Variants in NUP107 observed in about 807,000 individuals in gnomAD.
The protein encoded by NUP107 is nucleoporin 107.
NUP107 carries 101 observed loss-of-function variants against 141.0 expected under a neutral mutation model. The observed-to-expected ratio is 0.72, with a 90% CI of 0.61 to 0.84. The LOEUF (loss-of-function observed/expected upper bound fraction) is 0.84, where lower values mean the gene tolerates loss of function less well. Ranked by LOEUF, NUP107 falls within the 40% of genes least tolerant of loss-of-function variation. The probability of loss-of-function intolerance (pLI) is 0.00; values close to 1 mark genes in which losing one functional copy is unlikely to be tolerated. For missense variants in NUP107, 941 were observed against 1,102.7 expected (o/e 0.85, Z 2.08); for synonymous variants, 319 against 363.9 (o/e 0.88, Z 1.41).
At chr12:68,722,677 T>A (rs554630308) in intron 17 of NUP107, among the ~76,000 whole-genome samples, 1 of 152,322 alleles carries the variant, frequency 6.6e-6, no homozygotes, top group African/African-American at 2.4e-5. Flanking sequence ...TACTCCAATT[T>A]AGAATTTTGA....
Position 68,721,910 on chromosome 12 carries a change from G to C in NUP107, c.1381G>C (p.Val461Leu). The C allele has an allele frequency of 6.2e-7, 1 of 1,614,092 alleles. No individual in the cohort carries two copies. The highest frequency in any genetic ancestry group is 8.5e-7 in the Non-Finnish European group (1 of 1,179,974). Residue 461 changes from valine (V) to leucine (L), a missense_variant, in exon 16 of 28, where the codon GTA (valine) becomes CTA (leucine). By Grantham distance (32) the Val-to-Leu change is conservative. Coordinates refer to ENST00000229179, the MANE Select transcript of NUP107 (RefSeq NM_020401.4). ...AYFRVMVDSL[V>L]EQEIQTSVAT... ...CTTCCGGGTGATGGTGGACAGTCTG[G>C]TAGAACAGGAGATCCAGACATCAGT...
intron 12 of NUP107, among the ~76,000 whole-genome samples, 187 bp downstream of exon 12, chr12:68,715,927 T>C (rs1212219528): frequency 1.3e-5 from 2 of 152,234 alleles, no homozygotes; most frequent in Admixed American, 1.3e-4. Context: ...AACAATGTAA[T>C]CTAGTTTGTA....
At chr12:68,715,211 T>C (rs1345324167) in intron 11 of NUP107, among the ~76,000 whole-genome samples, 1 of 152,160 alleles carries the variant, frequency 6.6e-6, no homozygotes, top group African/African-American at 2.4e-5. Flanking sequence ...AACAATTTAT[T>C]TCAGCCAGGC....
At position 68,700,792 on chromosome 12, in the gene NUP107, A is replaced by G. The variant is rs1179544865; in HGVS notation, c.619A>G (p.Ser207Gly). The change falls in exon 7 of 28, where the codon AGT (serine) becomes GGT (glycine). Residue 207 changes from serine (S) to glycine (G), a missense_variant. By Grantham distance (56) the Ser-to-Gly change is moderately conservative (BLOSUM62 0). Coordinates refer to ENST00000229179, the MANE Select transcript of NUP107 (RefSeq NM_020401.4). The part of the protein sequence containing the change: ...PGLQKFSKTA[S>G]MLWLLQQEMV... The stretch of plus-strand genomic sequence containing the variant: ...ACTTCAAAAATTTTCAAAAACAGCC[A>G]GTATGCTCTGGCTTCTTCAACAGGA... 2.5e-6 allele frequency: 4 copies of G among 1,611,908 alleles called. No individual in the cohort carries two copies. In the African/African-American group the frequency reaches 5.3e-5, roughly 22 times the overall value.
intron 8 of NUP107, among the ~76,000 whole-genome samples, chr12:68,703,670 C>T (rs1204714686): frequency 2.0e-5 from 3 of 152,026 alleles, no homozygotes; most frequent in East Asian, 1.9e-4. Context: ...AGGCTGGTCT[C>T]GATCTCCTGA....
chr12:68,688,519 T>C (rs868505041), intron 1 of NUP107, among the ~76,000 whole-genome samples: 8 of 152,304 alleles, frequency 5.3e-5, no homozygotes, highest in African/African-American at 1.7e-4. Flanking sequence ...CTGTTTGTTG[T>C]TGTTGTTGTT....
intron 5 of NUP107, among the ~76,000 whole-genome samples, chr12:68,693,085 A>T (rs10878855): frequency 0.44 from 57,428 of 131,202 alleles, 12,188 homozygotes; most frequent in East Asian, 0.54. Context: ...TTATTTATTT[A>T]TTTTTTTTTT....
rs1006763000 is a variant in NUP107 at position 68,744,138 on chromosome 12, A to C, written c.*1676A>C. ...AACAGTGGGAAAACTACTTAGCCTA[A>C]ATGAGGAGGAGGAATATTGTATGCT... On this transcript the variant is annotated 3_prime_UTR_variant, in exon 28 of 28. Transcript: ENST00000229179. 3.9e-5 allele frequency: 6 copies of C among 152,176 alleles called. No individual in the cohort carries two copies. The highest frequency in any genetic ancestry group is 1.4e-4 in the African/African-American group (6 of 41,442). 9.4% of individuals were successfully genotyped at this position (152,176 alleles called of 1,614,324 possible).
In NUP107 at chr12:68,731,137, C is replaced by A; in HGVS notation, c.1762C>A (p.Leu588Ile). ...QLLIREKHTNLIAFYTCHLPQ... is the reference protein window; with the variant it reads ...QLLIREKHTNIIAFYTCHLPQ... ...TTTAATAAGAGAGAAACATACAAATCTTATAGCATTTTATACCTGTCATTT... is the reference window on the plus strand; with the variant it reads ...TTTAATAAGAGAGAAACATACAAATATTATAGCATTTTATACCTGTCATTT... Residue 588 changes from leucine to isoleucine, a missense_variant, in exon 21 of 28, where the codon CTT (leucine) becomes ATT (isoleucine). Coordinates refer to ENST00000229179, the MANE Select transcript of NUP107 (RefSeq NM_020401.4). 1 of 1,597,608 alleles carries A rather than the reference C, an allele frequency of 6.3e-7. No homozygotes were observed. The highest frequency in any genetic ancestry group is 1.1e-5 in the South Asian group (1 of 87,524).
intron 10 of NUP107, among the ~76,000 whole-genome samples, chr12:68,710,922 CA>C (rs1212539980): frequency 6.6e-6 from 1 of 151,922 alleles, no homozygotes. Context: ...TACCAAGAGA[CA>C]AATGTATATT....
intron 3 of NUP107, 181 bp downstream of exon 3, chr12:68,689,800 A>G: frequency 1.9e-6 from 1 of 518,462 alleles, no homozygotes; most frequent in East Asian, 3.4e-5. Context: ...TTCCATAAAC[A>G]CACGGTAACT....
chr12:68,729,539 G>C (rs1221919723), intron 20 of NUP107, among the ~76,000 whole-genome samples: 1 of 151,314 alleles, frequency 6.6e-6, no homozygotes, highest in South Asian at 2.1e-4. Flanking sequence ...GCCTCACCGG[G>C]GTCAAGCGAT....
intron 26 of NUP107, among the ~76,000 whole-genome samples, chr12:68,737,566 A>G (rs1175926714): frequency 1.3e-5 from 2 of 151,522 alleles, no homozygotes; most frequent in African/African-American, 4.8e-5. Context: ...GTCTCAAAAA[A>G]AAAAAAAAAA....
At chr12:68,697,638 C>G (rs537093732) in intron 6 of NUP107, among the ~76,000 whole-genome samples, 1 of 152,104 alleles carries the variant, frequency 6.6e-6, no homozygotes, top group Admixed American at 6.6e-5. Context: ...CAAAATAAAA[C>G]TCAACAATAA....
rs1198362088 is a variant in NUP107 at position 68,742,685 on chromosome 12, C to T, written c.*223C>T. On this transcript the variant is annotated 3_prime_UTR_variant, in exon 28 of 28. Coordinates refer to ENST00000229179, the MANE Select transcript of NUP107 (RefSeq NM_020401.4). ...TAAAAATTAAAATTTTCTGTTTTTA[C>T]AAATTCCAGGGTTGTCTCTTTTTCA... 8.5e-6 allele frequency: 2 copies of T among 235,654 alleles called. No individual in the cohort carries two copies. Among genetic ancestry groups the T allele is most frequent in the Non-Finnish European group, 1.6e-5 (2 of 124,462 alleles). The allele number at this position is 235,654 out of a possible 1,614,324, so 14.6% of individuals were successfully genotyped here.
rs1877879609 is a variant in NUP107, at chr12:68,732,620, T to C, written c.1999-17T>C. 7.3e-6 allele frequency: 11 copies of C among 1,512,052 alleles called. No homozygotes were observed. The highest frequency in any genetic ancestry group is 2.5e-5 in the South Asian group (2 of 80,840). The allele number at this position is 1,512,052 out of a possible 1,614,324, so 93.7% of individuals were successfully genotyped here. On this transcript the variant is annotated splice_polypyrimidine_tract_variant and intron_variant, in intron 22 of 27. Transcript: ENST00000229179. ...ACTCTGATATTCCTTTTTCTTTTTT[T>C]CCCCTTTAATAAATAGGAGGATCGT...
chr12:68,708,369 G>C (rs2136016365), intron 8 of NUP107, among the ~76,000 whole-genome samples: 1 of 152,074 alleles, frequency 6.6e-6, no homozygotes, highest in South Asian at 2.1e-4. Flanking sequence ...TTAACCCATG[G>C]ATAAAATGGA....
intron 8 of NUP107, chr12:68,706,647 CAG>C: frequency 1.4e-6 from 1 of 718,288 alleles, no homozygotes; most frequent in Non-Finnish European, 2.6e-6. Context: ...AGATGCTGAG[CAG>C]CATGGGGAGC....
intron 23 of NUP107, 143 bp from the exon 24 acceptor site, chr12:68,733,309 A>T (rs1877920644): frequency 5.1e-6 from 3 of 590,544 alleles, no homozygotes; most frequent in South Asian, 6.4e-5. Flanking sequence ...AGGTAGAAAG[A>T]TCACCAAGAC....
Sources: gnomAD v4.1 joint callset for allele counts (sites outside exome capture counted in the v4.1 genomes callset) on GRCh38, gnomAD v4.1.1 for gene constraint, MANE v1.5 for transcripts, NCBI Gene and HGNC (gene_info 2026-07-23, HGNC 2026-07-21) for gene names.